CAP2: variants seen among roughly 807,000 people sequenced by gnomAD.
CAP2 encodes adenylyl cyclase-associated protein 2.
In CAP2, 24 loss-of-function variants were observed where a neutral mutation model predicts 57.7. The observed-to-expected ratio is 0.42, with a 90% CI of 0.30 to 0.58. The LOEUF is 0.58. Among genes scored for constraint, CAP2 ranks in the 20% least tolerant of loss-of-function variants. CAP2 has a pLI of 0.22. For synonymous variants in CAP2, 194 were observed against 207.2 expected (o/e 0.94, Z 0.55); for missense variants, 501 against 590.3 (o/e 0.85, Z 1.57).
intron 3 of CAP2, among the ~76,000 whole-genome samples, chr6:17,438,802 A>G (rs9350043): frequency 0.64 from 94,355 of 146,776 alleles, 31,996 homozygotes; most frequent in East Asian, 0.86. Context: ...GGCTTCTAGA[A>G]TGTGAGTTGT....
intron 1 of CAP2, among the ~76,000 whole-genome samples, chr6:17,400,751 G>C (rs1758789217): frequency 6.6e-6 from 1 of 151,860 alleles, no homozygotes; most frequent in African/African-American, 2.4e-5. Context: ...TGTAGTCCCA[G>C]CTACTCGGGA....
At chr6:17,554,488 G>A (rs764791825) in intron 12 of CAP2, among the ~76,000 whole-genome samples, 2 of 152,200 alleles carry the variant, frequency 1.3e-5, no homozygotes, top group Admixed American at 6.5e-5. Context: ...GAACTTCTGG[G>A]CTCAGAGGAT....
intron 4 of CAP2, among the ~76,000 whole-genome samples, chr6:17,496,000 A>G (rs1459167780): frequency 9.8e-6 from 1 of 101,820 alleles, no homozygotes; most frequent in African/African-American, 4.2e-5. Context: ...AGCTCCTGAA[A>G]GCAACTGCTG....
intron 1 of CAP2, among the ~76,000 whole-genome samples, chr6:17,408,700 C>T (rs949652201): frequency 2.6e-4 from 34 of 129,592 alleles, no homozygotes; most frequent in African/African-American, 7.2e-4. Context: ...CTCACTCTGT[C>T]GCCACACTGG....
At chr6:17,507,122 G>T (rs377593692) in intron 4 of CAP2, 47 bp from the exon 5 acceptor site, 1 of 1,609,574 alleles carries the variant, frequency 6.2e-7, no homozygotes, top group Non-Finnish European at 8.5e-7. Flanking sequence ...GGTGCTATGC[G>T]TCTGCTCTGT....
At chr6:17,500,113 A>G (rs561341411) in intron 4 of CAP2, among the ~76,000 whole-genome samples, 6 of 150,558 alleles carry the variant, frequency 4.0e-5, no homozygotes, top group Non-Finnish European at 8.9e-5. Flanking sequence ...AAATATCTCC[A>G]TGGACGTATT....
chr6:17,557,079 C>T lies in CAP2; in HGVS notation c.*637C>T, dbSNP rs976898680. On this transcript the variant is annotated 3_prime_UTR_variant, in exon 13 of 13. Coordinates refer to ENST00000229922, the MANE Select transcript of CAP2 (RefSeq NM_006366.3). ...AAACCGAAAGTCAATTCTAATTATTCATCTTACATATTTTTCCACCATGTC... is the reference window on the plus strand; with the variant it reads ...AAACCGAAAGTCAATTCTAATTATTTATCTTACATATTTTTCCACCATGTC... The T allele has an allele frequency of 6.6e-5, 10 of 152,172 alleles. No individual in the cohort carries two copies. Among genetic ancestry groups the T allele is most frequent in the African/African-American group, 2.4e-4 (10 of 41,444 alleles). The allele number at this position is 152,172 out of a possible 1,614,324, so 9.4% of individuals were successfully genotyped here.
intron 12 of CAP2, among the ~76,000 whole-genome samples, chr6:17,552,108 G>C (rs1763184445): frequency 6.6e-6 from 1 of 152,122 alleles, no homozygotes; most frequent in African/African-American, 2.4e-5. Context: ...CTAGAGTAAG[G>C]CCCAGGAATC....
intron 4 of CAP2, among the ~76,000 whole-genome samples, chr6:17,502,506 C>T (rs1761851017): frequency 6.6e-6 from 1 of 151,684 alleles, no homozygotes; most frequent in African/African-American, 2.4e-5. Context: ...GTTCTGTCAA[C>T]ATTGCTTTTT....
At position 17,438,121 on chromosome 6, in the gene CAP2, G is replaced by T. The variant is rs76521392; in HGVS notation, c.222+11431G>T. On this transcript the variant is annotated intron_variant, in intron 3 of 12. Transcript: ENST00000229922. ...GGTGGCTCAGGCCTGTAATCCCAGT[G>T]CTTTGGGAGGCCAAGGTGGGCGGAT... Among the ~76,000 whole-genome samples, 279 of 146,928 alleles carry T rather than the reference G, an allele frequency of 1.9e-3. 10 individuals carry two copies. Among genetic ancestry groups the T allele is most frequent in the African/African-American group, 6.7e-3 (247 of 37,066 alleles).
At chr6:17,412,621 A>G (rs1759167135) in intron 1 of CAP2, among the ~76,000 whole-genome samples, 1 of 152,206 alleles carries the variant, frequency 6.6e-6, no homozygotes, top group Admixed American at 6.5e-5. Context: ...GAGGCAGATC[A>G]GAGATGGTTC....
chr6:17,424,217 G>A (rs924640581), intron 2 of CAP2, among the ~76,000 whole-genome samples: 2 of 152,048 alleles, frequency 1.3e-5, no homozygotes, highest in Non-Finnish European at 2.9e-5. Context: ...TGGCTAACAC[G>A]GTGAAACTCC....
intron 3 of CAP2, among the ~76,000 whole-genome samples, chr6:17,434,624 C>T (rs967224546): frequency 6.6e-6 from 1 of 152,194 alleles, no homozygotes; most frequent in Non-Finnish European, 1.5e-5. Context: ...TACTAATGTA[C>T]GTGTTCATCC....
chr6:17,431,236 A>G (rs1026653676), intron 3 of CAP2, among the ~76,000 whole-genome samples: 1 of 152,138 alleles, frequency 6.6e-6, no homozygotes, highest in Non-Finnish European at 1.5e-5. Context: ...TAATCTGTAC[A>G]CCAAACCTCC....
At chr6:17,547,042 C>T (rs1215768946) in intron 11 of CAP2, among the ~76,000 whole-genome samples, 5 of 152,112 alleles carry the variant, frequency 3.3e-5, no homozygotes, top group African/African-American at 1.2e-4. Flanking sequence ...CAATAACAGA[C>T]AAACAGAGAG....
At chr6:17,457,103 C>T (rs910446279) in intron 3 of CAP2, among the ~76,000 whole-genome samples, 1 of 152,266 alleles carries the variant, frequency 6.6e-6, no homozygotes, top group Admixed American at 6.5e-5. Flanking sequence ...CTGAGAACCC[C>T]GGTTGCTGGT....
intron 1 of CAP2, among the ~76,000 whole-genome samples, chr6:17,417,638 A>C (rs964602702): frequency 3.3e-5 from 5 of 151,998 alleles, no homozygotes; most frequent in Non-Finnish European, 5.9e-5. Flanking sequence ...TTTTTTCCCC[A>C]CACACACTCA....
At chr6:17,442,558 C>T (rs528404960) in intron 3 of CAP2, among the ~76,000 whole-genome samples, 1 of 152,070 alleles carries the variant, frequency 6.6e-6, no homozygotes, top group Non-Finnish European at 1.5e-5. Flanking sequence ...TGTGGAAATG[C>T]ATGGCATGTA....
intron 1 of CAP2, among the ~76,000 whole-genome samples, chr6:17,420,025 T>G (rs6941400): frequency 6.6e-6 from 1 of 151,834 alleles, no homozygotes; most frequent in South Asian, 2.1e-4. Context: ...GCGTGTGCCA[T>G]CAAGCCCAGC....
Sources: allele counts gnomAD v4.1 joint callset (sites outside exome capture counted in the v4.1 genomes callset), GRCh38; gene constraint gnomAD v4.1.1; transcripts MANE v1.5; gene names NCBI Gene and HGNC (gene_info 2026-07-23, HGNC 2026-07-21).